DOCK4: variants seen among roughly 807,000 people sequenced by gnomAD.
DOCK4 encodes the protein dedicator of cytokinesis 4, also known as dedicator of cytokinesis protein 4.
A neutral mutation model predicts 268.1 loss-of-function variants in DOCK4; 97 were observed. The ratio of observed to expected loss-of-function variants is 0.36; its 90% CI spans 0.31 to 0.43. DOCK4 has a LOEUF of 0.43. Ranked by LOEUF, DOCK4 falls within the 20% of genes least tolerant of loss-of-function variation. The pLI is 1.00. For synonymous variants in DOCK4, 954 were observed against 887.2 expected, an observed-to-expected ratio of 1.08 and a Z score of -1.34; for missense variants, 2,145 against 2,455.7, an observed-to-expected ratio of 0.87 and a Z score of 2.67.
At chr7:111,753,140 C>T (rs1208995820) in intron 42 of DOCK4, among the ~76,000 whole-genome samples, 1 of 151,866 alleles carries the variant, frequency 6.6e-6, no homozygotes, top group Non-Finnish European at 1.5e-5. Flanking sequence ...TATTATGTAA[C>T]CCCTAGCAGG....
chr7:111,890,026 G>C (rs1259348740), intron 16 of DOCK4, among the ~76,000 whole-genome samples: 2 of 152,154 alleles, frequency 1.3e-5, no homozygotes, highest in African/African-American at 4.8e-5. Flanking sequence ...TACTGGACCT[G>C]AGGGTGTTTC....
intron 20 of DOCK4, 25 bp from the exon 21 acceptor site, chr7:111,869,680 G>A (rs1400444602): frequency 6.2e-7 from 1 of 1,603,112 alleles, no homozygotes. Context: ...AAAATGTGCA[G>A]AATGTAAAAT....
intron 1 of DOCK4, among the ~76,000 whole-genome samples, chr7:112,067,880 G>A (rs1807225989): frequency 6.6e-6 from 1 of 152,136 alleles, no homozygotes; most frequent in South Asian, 2.1e-4. Context: ...GTTGCCACTG[G>A]CAGTTTAATT....
chr7:111,785,119 C>T (rs1321313358), intron 32 of DOCK4, among the ~76,000 whole-genome samples: 1 of 152,094 alleles, frequency 6.6e-6, no homozygotes, highest in African/African-American at 2.4e-5. Flanking sequence ...CCTGTGTTTC[C>T]TGTGCATCCC....
intron 26 of DOCK4, 80 bp from the exon 27 acceptor site, chr7:111,822,536 G>C: frequency 8.5e-7 from 1 of 1,181,952 alleles, no homozygotes; most frequent in South Asian, 1.4e-5. Flanking sequence ...AGGCAGTACT[G>C]TTGTACTGTT....
At chr7:111,850,494 T>C (rs1804459236) in intron 23 of DOCK4, among the ~76,000 whole-genome samples, 1 of 152,072 alleles carries the variant, frequency 6.6e-6, no homozygotes, top group Non-Finnish European at 1.5e-5. Context: ...CCTGACGTAC[T>C]GTCCTCAGAG....
chr7:111,967,301 A>G (rs1463039211), intron 8 of DOCK4, among the ~76,000 whole-genome samples: 12 of 18,662 alleles, frequency 6.4e-4, no homozygotes, highest in Non-Finnish European at 8.8e-4. Flanking sequence ...TTGTTTATCT[A>G]GAAAACCCCA....
At chr7:112,127,563 T>C (rs1281522058) in intron 1 of DOCK4, among the ~76,000 whole-genome samples, 1 of 121,424 alleles carries the variant, frequency 8.2e-6, no homozygotes. Context: ...AGTATAATAA[T>C]AATAAAAAAA....
intron 8 of DOCK4, among the ~76,000 whole-genome samples, chr7:111,962,172 T>C (rs1796955787): frequency 6.6e-6 from 1 of 152,200 alleles, no homozygotes; most frequent in Admixed American, 6.5e-5. Context: ...TAGGTCTCTC[T>C]AAATATTACA....
intron 13 of DOCK4, among the ~76,000 whole-genome samples, chr7:111,911,696 A>T (rs1792115544): frequency 6.6e-6 from 1 of 152,200 alleles, no homozygotes; most frequent in South Asian, 2.1e-4. Context: ...CCAGACAATT[A>T]ATCAGCCAGT....
chr7:111,844,754 T>C lies in DOCK4; in HGVS notation c.2736+9A>G, dbSNP rs1266510250. 6.2e-7 allele frequency: 1 copy of C among 1,611,406 alleles called. No individual in the cohort carries two copies. Among genetic ancestry groups the C allele is most frequent in the East Asian group, 2.2e-5 (1 of 44,840 alleles). On this transcript the variant is annotated intron_variant, in intron 25 of 52. Coordinates refer to ENST00000428084, the MANE Select transcript of DOCK4 (RefSeq NM_001363540.2). ...CCTGTTCCACGTGCCATCTGCTCTA[T>C]GATCTTACAGTGACATCCTGGAACT...
chr7:111,827,435 T>G (rs1203996380), intron 26 of DOCK4, among the ~76,000 whole-genome samples: 3 of 152,178 alleles, frequency 2.0e-5, no homozygotes, highest in Non-Finnish European at 2.9e-5. Context: ...AGACATGGTC[T>G]CGACTCTCAA....
intron 1 of DOCK4, among the ~76,000 whole-genome samples, chr7:112,085,229 A>G (rs1808968356): frequency 6.6e-6 from 1 of 152,122 alleles, no homozygotes; most frequent in African/African-American, 2.4e-5. Context: ...TCAAAGGGTC[A>G]GGATGCTCAA....
At chr7:111,764,629 A>G (rs1253029040) in intron 39 of DOCK4, among the ~76,000 whole-genome samples, 4 of 152,176 alleles carry the variant, frequency 2.6e-5, no homozygotes, top group Admixed American at 6.5e-5. Context: ...CTTTGTAGAA[A>G]TGGAGTTTAT....
At chr7:112,005,953 G>A (rs1800824778) in intron 1 of DOCK4, among the ~76,000 whole-genome samples, 1 of 152,016 alleles carries the variant, frequency 6.6e-6, no homozygotes, top group African/African-American at 2.4e-5. Context: ...CCCTCAATGT[G>A]GCCACACTCA....
intron 1 of DOCK4, among the ~76,000 whole-genome samples, chr7:112,034,551 T>A (rs557056354): frequency 1.3e-5 from 2 of 151,998 alleles, no homozygotes; most frequent in African/African-American, 4.8e-5. Context: ...CTAAGCAGAG[T>A]TGGAGTCAAG....
At chr7:111,842,310 G>A (rs547590277) in intron 25 of DOCK4, among the ~76,000 whole-genome samples, 2 of 152,278 alleles carry the variant, frequency 1.3e-5, no homozygotes, top group African/African-American at 4.8e-5. Context: ...GGCTGAAGAG[G>A]CCAGCAACTG....
chr7:112,031,545 C>A lies in DOCK4; in HGVS notation c.38-27414G>T, dbSNP rs536072046. ...GAAAACCAGGCCCAATTCTTATAAC[C>A]TTCCATTGTGTGCACTGATTCCTAA... On this transcript the variant is annotated intron_variant, in intron 1 of 52. Coordinates refer to ENST00000428084, the MANE Select transcript of DOCK4 (RefSeq NM_001363540.2). Among the ~76,000 whole-genome samples, 7 of 152,238 alleles carry A rather than the reference C, an allele frequency of 4.6e-5. No homozygotes were observed. The East Asian group carries it at 7.7e-4, about 17-fold the overall frequency.
Position 111,868,008 on chromosome 7 carries a change from C to T in DOCK4, c.2256G>A (p.Gly752=), listed in dbSNP as rs1806114854. 3 of 1,611,504 alleles carry T rather than the reference C, an allele frequency of 1.9e-6. No individual in the cohort carries two copies. The highest frequency in any genetic ancestry group is 2.5e-6 in the Non-Finnish European group (3 of 1,178,956). The change falls in exon 22 of 53, where the codon GGG becomes GGA. Residue 752 remains glycine, a synonymous_variant. Coordinates refer to ENST00000428084, the MANE Select transcript of DOCK4 (RefSeq NM_001363540.2). ...CCTGTGACTGAGATAATGCTCCAGA[C>T]CCTTTGCTCTCTTGCGAAAGAAAGA... ...VRFFLSQESK[G]SGALSQSQAV... is the part of the protein sequence containing the mutation.
Sources: gnomAD v4.1 joint callset for allele counts (sites outside exome capture counted in the v4.1 genomes callset) on GRCh38, gnomAD v4.1.1 for gene constraint, MANE v1.5 for transcripts, NCBI Gene and HGNC (gene_info 2026-07-23, HGNC 2026-07-21) for gene names.